The following RELN variants were observed in gnomAD, a reference collection of about 807,000 sequenced individuals.
RELN encodes reelin.
A neutral mutation model predicts 427.6 loss-of-function variants in RELN; 108 were observed. That is an observed-to-expected ratio of 0.25 (90% confidence interval 0.22 to 0.30). The LOEUF (loss-of-function observed/expected upper bound fraction) is 0.30, where lower values mean the gene tolerates loss of function less well. RELN is among the 10% of genes least tolerant of loss of function. RELN has a pLI of 1.00. For missense variants in RELN, 3,715 were observed against 4,302.8 expected, an observed-to-expected ratio of 0.86 and a Z score of 3.82; for synonymous variants, 1,524 against 1,513.4, an observed-to-expected ratio of 1.01 and a Z score of -0.16.
chr7:103,543,174 A>G (rs533144232), intron 42 of RELN, among the ~76,000 whole-genome samples: 53 of 152,286 alleles, frequency 3.5e-4, no homozygotes, highest in African/African-American at 1.3e-3. Context: ...AAAAAAGGAC[A>G]CTGGTTAGTC....
chr7:103,719,943 T>C (rs1201730572), intron 8 of RELN, among the ~76,000 whole-genome samples: 2 of 152,188 alleles, frequency 1.3e-5, no homozygotes, highest in African/African-American at 4.8e-5. Context: ...GTGGATAACA[T>C]GATAAATTTC....
intron 11 of RELN, among the ~76,000 whole-genome samples, chr7:103,678,026 C>T (rs1480719674): frequency 6.6e-6 from 1 of 152,088 alleles, no homozygotes; most frequent in Non-Finnish European, 1.5e-5. Context: ...TGTTCATTTT[C>T]CGTCATTTCC....
chr7:103,930,279 T>C (rs1417518575), intron 1 of RELN, among the ~76,000 whole-genome samples: 1 of 152,304 alleles, frequency 6.6e-6, no homozygotes, highest in African/African-American at 2.4e-5. Flanking sequence ...CTTCTTCTTA[T>C]AATGACATCA....
chr7:103,912,824 G>C (rs915245800), intron 2 of RELN, among the ~76,000 whole-genome samples: 7 of 152,090 alleles, frequency 4.6e-5, no homozygotes, highest in Middle Eastern at 3.4e-3. Context: ...TTGTATGAAA[G>C]GATATTCAAA....
chr7:103,726,083 C>A (rs1309097230), intron 7 of RELN, among the ~76,000 whole-genome samples: 1 of 152,092 alleles, frequency 6.6e-6, no homozygotes, highest in African/African-American at 2.4e-5. Flanking sequence ...TCATGCACAA[C>A]AATTTTGACG....
At chr7:103,783,343 C>T (rs192643262) in intron 3 of RELN, among the ~76,000 whole-genome samples, 5 of 151,928 alleles carry the variant, frequency 3.3e-5, no homozygotes, top group African/African-American at 1.2e-4. Flanking sequence ...AAAAAACTCG[C>T]TTCAAAACCC....
At chr7:103,488,297 G>A (rs938383085) in intron 60 of RELN, among the ~76,000 whole-genome samples, 1 of 152,176 alleles carries the variant, frequency 6.6e-6, no homozygotes, top group Admixed American at 6.5e-5. Context: ...ATTTCCCCTT[G>A]ATTTAAACAG....
At chr7:103,665,549 G>A (rs906557172) in intron 11 of RELN, among the ~76,000 whole-genome samples, 2 of 152,096 alleles carry the variant, frequency 1.3e-5, no homozygotes, top group East Asian at 1.9e-4. Flanking sequence ...CTTGGATCTC[G>A]ACAAGAATCC....
chr7:103,490,053 G>C (rs1179647493), intron 59 of RELN, among the ~76,000 whole-genome samples, 154 bp from the exon 60 acceptor site: 1 of 152,166 alleles, frequency 6.6e-6, no homozygotes, highest in Non-Finnish European at 1.5e-5. Context: ...GAGAGAACTT[G>C]TATTTCTTAG....
intron 64 of RELN, among the ~76,000 whole-genome samples, chr7:103,475,310 T>A (rs919767341): frequency 6.6e-6 from 1 of 152,140 alleles, no homozygotes; most frequent in Non-Finnish European, 1.5e-5. Flanking sequence ...AAACTTTTGT[T>A]GGTATGGGGG....
intron 25 of RELN, among the ~76,000 whole-genome samples, chr7:103,595,254 A>AATT (rs965887174): frequency 1.8e-4 from 27 of 152,198 alleles, no homozygotes; most frequent in African/African-American, 6.0e-4. Flanking sequence ...AGTTATTTAA[A>AATT]ATTATTGTTT....
At chr7:103,900,291 A>G (rs1479857120) in intron 2 of RELN, among the ~76,000 whole-genome samples, 2 of 152,142 alleles carry the variant, frequency 1.3e-5, no homozygotes, top group Non-Finnish European at 2.9e-5. Flanking sequence ...TCAACGAAAT[A>G]AGAGAGGACA....
At chr7:103,819,772 A>G (rs1374060956) in intron 3 of RELN, among the ~76,000 whole-genome samples, 1 of 152,150 alleles carries the variant, frequency 6.6e-6, no homozygotes, top group African/African-American at 2.4e-5. Context: ...TTTAAAAATC[A>G]GGAATTATTT....
chr7:103,631,286 C>CT (rs545808640), intron 19 of RELN, among the ~76,000 whole-genome samples: 15,264 of 76,178 alleles, frequency 0.2, 2,804 homozygotes, highest in Non-Finnish European at 0.25. Context: ...AAAAACACTT[C>CT]TTTTTTTTTT....
intron 3 of RELN, among the ~76,000 whole-genome samples, chr7:103,792,533 G>C (rs1180702704): frequency 5.3e-5 from 3 of 56,238 alleles, no homozygotes; most frequent in African/African-American, 9.4e-5. Flanking sequence ...TATAGCGACA[G>C]AACATAGATT....
At chr7:103,537,955 C>T (rs939231151) in intron 45 of RELN, among the ~76,000 whole-genome samples, 1 of 152,246 alleles carries the variant, frequency 6.6e-6, no homozygotes, top group Non-Finnish European at 1.5e-5. Context: ...TTTGAGTTCT[C>T]ATTACATTTT....
intron 2 of RELN, among the ~76,000 whole-genome samples, chr7:103,839,651 G>T (rs1793504100): frequency 6.6e-6 from 1 of 152,054 alleles, no homozygotes. Flanking sequence ...TACAATATAA[G>T]AGTGAAAAGT....
At chr7:103,723,253 C>T in intron 7 of RELN, 62 bp from the exon 8 acceptor site, 2 of 983,850 alleles carry the variant, frequency 2.0e-6, no homozygotes, top group South Asian at 1.3e-5. Flanking sequence ...GAGAAAGATG[C>T]TGGGAGGGGT....
Position 103,563,027 on chromosome 7 carries a change from C to T in RELN, c.5211-1074G>A, listed in dbSNP as rs1395760111. On this transcript the variant is annotated intron_variant, in intron 34 of 64. Transcript: ENST00000428762. This position sits in a 1 kb window ranked among gnomAD's most constrained non-coding sequence, Gnocchi z 4.1. ...ATGCCAGCACAAATGCCCTTTTGCTCCCCTCTTCTCCTGGATAAGCCCTAC... is the reference window on the plus strand; with the variant it reads ...ATGCCAGCACAAATGCCCTTTTGCTTCCCTCTTCTCCTGGATAAGCCCTAC... Among the ~76,000 whole-genome samples the T allele has an allele frequency of 1.3e-5, 2 of 152,164 alleles. No homozygotes were observed. The highest frequency in any genetic ancestry group is 4.8e-5 in the African/African-American group (2 of 41,434).
Sources: gnomAD v4.1 joint callset for allele counts (sites outside exome capture counted in the v4.1 genomes callset) on GRCh38, gnomAD v4.1.1 for gene constraint, Gnocchi (gnomAD v3.1) non-coding constraint, MANE v1.5 for transcripts, NCBI Gene and HGNC (gene_info 2026-07-23, HGNC 2026-07-21) for gene names.